Variants in ADARB2 observed in about 807,000 individuals in gnomAD.
ADARB2 encodes the protein adenosine deaminase RNA specific B2 (inactive).
Under a neutral mutation model 62.2 loss-of-function variants are expected in ADARB2, and 25 were observed. The ratio of observed to expected loss-of-function variants is 0.40; its 90% CI spans 0.29 to 0.56. The LOEUF (loss-of-function observed/expected upper bound fraction) is 0.56. Ranked by LOEUF, ADARB2 falls within the 20% of genes least tolerant of loss-of-function variation. ADARB2 has a pLI of 0.43. For missense variants in ADARB2, 1,071 were observed against 1,077.4 expected (o/e 0.99, Z 0.08); for synonymous variants, 572 against 500.8 (o/e 1.14, Z -1.90).
In ADARB2 at chr10:1,398,854, G is replaced by A. The variant is rs917848018; in HGVS notation, c.101-19694C>T. 7.2e-5 allele frequency among the ~76,000 whole-genome samples: 11 copies of A among 152,118 alleles called. No individual in the cohort carries two copies. Among genetic ancestry groups the A allele is most frequent in the African/African-American group, 2.7e-4 (11 of 41,430 alleles). On this transcript the variant is annotated intron_variant, in intron 1 of 9. Coordinates refer to ENST00000381312, the MANE Select transcript of ADARB2 (RefSeq NM_018702.4). The surrounding 1 kb of genome is among the most constrained non-coding windows in gnomAD (Gnocchi z 4.1). ...CGCAGCAGCAGCGCAGCCTGCACGA[G>A]GTTGCTGGGGGAAACAGACCGCTCT... is the stretch of plus-strand genomic sequence containing the variant.
intron 3 of ADARB2, among the ~76,000 whole-genome samples, chr10:1,339,131 C>T (rs772504914): frequency 5.3e-5 from 8 of 152,218 alleles, no homozygotes; most frequent in South Asian, 2.1e-4. Context: ...TGCTCGGCCA[C>T]GCCCTGTGCT....
At chr10:1,390,701 T>G (rs541963983) in intron 1 of ADARB2, among the ~76,000 whole-genome samples, 2 of 152,236 alleles carry the variant, frequency 1.3e-5, no homozygotes, top group Non-Finnish European at 2.9e-5. Flanking sequence ...TTAAAAAGCC[T>G]TAGACATTGC....
rs540868044 is a variant in ADARB2 at position 1,182,636 on chromosome 10, T to C, written c.*557A>G. On this transcript the variant is annotated 3_prime_UTR_variant, in exon 10 of 10. Coordinates refer to ENST00000381312, the MANE Select transcript of ADARB2 (RefSeq NM_018702.4). ...CTATTTTAGGTGTTCGGTAATGTCG[T>C]ACATCTTAAATCTTTTTTGAAAGGA... 3.3e-5 allele frequency: 5 copies of C among 152,704 alleles called. No individual in the cohort carries two copies. The highest frequency in any genetic ancestry group is 1.2e-4 in the African/African-American group (5 of 41,468). 9.5% of individuals were successfully genotyped at this position (152,704 alleles called of 1,614,324 possible).
intron 2 of ADARB2, among the ~76,000 whole-genome samples, chr10:1,374,977 G>A (rs1363111827): frequency 6.6e-6 from 1 of 151,968 alleles, no homozygotes; most frequent in Non-Finnish European, 1.5e-5. Context: ...GGGGCCGGGG[G>A]TGGGAGGCAG....
chr10:1,640,651 A>C (rs4880893), intron 1 of ADARB2, among the ~76,000 whole-genome samples: 110,405 of 151,646 alleles, frequency 0.73, 43,964 homozygotes, highest in Non-Finnish European at 0.89. Flanking sequence ...CACACACACA[A>C]AAACACACAC....
rs1830832602 is a variant in ADARB2, at chr10:1,233,773, G to A, written c.1434C>T (p.Asn478=). ...TGCTCACGTAGAGATGGAAGAGGAT[G>A]TTCTCTCGCAGCCGGTAGCCACCTT... is the stretch of plus-strand genomic sequence containing the variant. ...LKEGGYRLRE[N]ILFHLYVSTS... Residue 478 remains asparagine (N), a synonymous_variant, in exon 6 of 10, where the codon AAC becomes AAT. Coordinates refer to ENST00000381312, the MANE Select transcript of ADARB2 (RefSeq NM_018702.4). The A allele has an allele frequency of 3.1e-6, 5 of 1,614,022 alleles. No individual in the cohort carries two copies. Among genetic ancestry groups the A allele is most frequent in the East Asian group, 2.2e-5 (1 of 44,872 alleles).
At chr10:1,448,235 A>G (rs747572100) in intron 1 of ADARB2, among the ~76,000 whole-genome samples, 8 of 152,166 alleles carry the variant, frequency 5.3e-5, no homozygotes, top group African/African-American at 9.7e-5. Flanking sequence ...AGGCGAGGGG[A>G]AGATTAGGTT....
intron 1 of ADARB2, among the ~76,000 whole-genome samples, chr10:1,611,023 G>T (rs1271848207): frequency 6.6e-6 from 1 of 152,134 alleles, no homozygotes; most frequent in Non-Finnish European, 1.5e-5. Flanking sequence ...TGGTCCATAC[G>T]ACGACATCAA....
At chr10:1,587,503 T>C (rs1018910622) in intron 1 of ADARB2, among the ~76,000 whole-genome samples, 5 of 152,192 alleles carry the variant, frequency 3.3e-5, no homozygotes, top group Admixed American at 1.3e-4. Flanking sequence ...GGTGGTTCTG[T>C]GTGAATATGG....
intron 3 of ADARB2, among the ~76,000 whole-genome samples, chr10:1,274,621 T>C (rs1169409601): frequency 6.6e-6 from 1 of 152,152 alleles, no homozygotes; most frequent in Admixed American, 6.6e-5. Context: ...CAAACACAGA[T>C]TTCACTGTGG....
intron 1 of ADARB2, among the ~76,000 whole-genome samples, chr10:1,417,562 A>G (rs1832815564): frequency 6.6e-6 from 1 of 152,242 alleles, no homozygotes; most frequent in African/African-American, 2.4e-5. Flanking sequence ...TATTCCTAAA[A>G]TCACATCAAA....
intron 1 of ADARB2, among the ~76,000 whole-genome samples, chr10:1,457,445 A>G (rs939300189): frequency 1.4e-4 from 22 of 152,120 alleles, no homozygotes; most frequent in African/African-American, 5.1e-4. Context: ...CTGTGGGTGG[A>G]AGGTGCACCC....
At chr10:1,521,105 A>G (rs906790105) in intron 1 of ADARB2, among the ~76,000 whole-genome samples, 5 of 152,186 alleles carry the variant, frequency 3.3e-5, no homozygotes, top group South Asian at 2.1e-4. Context: ...CCATGTGCTC[A>G]GCAAGTACAG....
intron 1 of ADARB2, among the ~76,000 whole-genome samples, chr10:1,679,262 T>C (rs1413693393): frequency 6.6e-6 from 1 of 152,130 alleles, no homozygotes; most frequent in Non-Finnish European, 1.5e-5. Context: ...TTATTAATAG[T>C]GCCCTCTCTC....
At chr10:1,420,037 T>A (rs184675095) in intron 1 of ADARB2, among the ~76,000 whole-genome samples, 4 of 152,360 alleles carry the variant, frequency 2.6e-5, no homozygotes, top group Admixed American at 2.0e-4. Flanking sequence ...ATAAATATTG[T>A]AAAGTCAATT....
At chr10:1,605,253 C>G (rs1833479925) in intron 1 of ADARB2, among the ~76,000 whole-genome samples, 1 of 152,188 alleles carries the variant, frequency 6.6e-6, no homozygotes, top group Non-Finnish European at 1.5e-5. Flanking sequence ...GCGCCTCGTT[C>G]CTTCAGCCTG....
At chr10:1,487,730 T>C (rs1831561664) in intron 1 of ADARB2, among the ~76,000 whole-genome samples, 1 of 152,224 alleles carries the variant, frequency 6.6e-6, no homozygotes, top group Non-Finnish European at 1.5e-5. Flanking sequence ...ATGTTTGTTT[T>C]GCAATTTATG....
chr10:1,391,360 G>C (rs1387468970), intron 1 of ADARB2, among the ~76,000 whole-genome samples: 6 of 152,146 alleles, frequency 3.9e-5, no homozygotes, highest in Non-Finnish European at 8.8e-5. Flanking sequence ...AGGTGTGCCT[G>C]CCCATCAGAC....
chr10:1,232,823 CTATATGTGGTATGTGTGTGG>C (rs1241155026), intron 6 of ADARB2, among the ~76,000 whole-genome samples: 1 of 136,264 alleles, frequency 7.3e-6, no homozygotes, highest in Admixed American at 7.4e-5. Flanking sequence ...TATGCATGTG[CTATATGTGGTATGTGTGTGG>C]TATATGTGGT....
Sources: gnomAD v4.1 joint callset for allele counts (sites outside exome capture counted in the v4.1 genomes callset) on GRCh38, gnomAD v4.1.1 for gene constraint, Gnocchi (gnomAD v3.1) non-coding constraint, MANE v1.5 for transcripts, NCBI Gene and HGNC (gene_info 2026-07-23, HGNC 2026-07-21) for gene names.